Variants in KSR1 observed in about 807,000 individuals in gnomAD.
KSR1 encodes the protein kinase suppressor of ras 1, also known as kinase suppressor of ras.
KSR1 carries 35 observed loss-of-function variants against 92.9 expected under a neutral mutation model. That is an observed-to-expected ratio of 0.38 (90% CI 0.29 to 0.50). The LOEUF (loss-of-function observed/expected upper bound fraction) is 0.50, where lower values mean the gene tolerates loss of function less well. Ranked by LOEUF, KSR1 falls within the 20% of genes least tolerant of loss-of-function variation. The pLI is 0.94. For missense variants in KSR1, 972 were observed against 1,158.5 expected (o/e 0.84, Z 2.34); for synonymous variants, 467 against 472.6 (o/e 0.99, Z 0.15).
intron 3 of KSR1, chr17:27,579,237 A>G (rs1249127178): frequency 6.6e-6 from 1 of 152,200 alleles, no homozygotes. Flanking sequence ...GCATCACAGC[A>G]TCTTCATTGC....
chr17:27,491,034 A>G (rs2068806373), intron 1 of KSR1, among the ~76,000 whole-genome samples: 1 of 152,142 alleles, frequency 6.6e-6, no homozygotes, highest in Non-Finnish European at 1.5e-5. Flanking sequence ...CTTTTAAAAA[A>G]CCATATGTAT....
At chr17:27,466,485 G>T (rs561357421) in intron 1 of KSR1, among the ~76,000 whole-genome samples, 2 of 152,306 alleles carry the variant, frequency 1.3e-5, no homozygotes, top group Admixed American at 1.3e-4. Flanking sequence ...TGCACTTCCT[G>T]CCTCCTCCTG....
At chr17:27,536,469 G>A (rs1457899187) in intron 1 of KSR1, among the ~76,000 whole-genome samples, 1 of 152,196 alleles carries the variant, frequency 6.6e-6, no homozygotes, top group Non-Finnish European at 1.5e-5. Flanking sequence ...GAATTGCAGT[G>A]CTTCTTAAAT....
intron 1 of KSR1, among the ~76,000 whole-genome samples, chr17:27,523,235 A>G (rs2151024366): frequency 6.6e-6 from 1 of 152,364 alleles, no homozygotes; most frequent in Non-Finnish European, 1.5e-5. Flanking sequence ...CCTATTAGCC[A>G]GGAAATATAT....
chr17:27,609,947 G>A, intron 16 of KSR1, 120 bp from the exon 17 acceptor site: 1 of 1,282,842 alleles, frequency 7.8e-7, no homozygotes, highest in East Asian at 2.4e-5. Context: ...TCTGGGTCTG[G>A]GTGTGTTTTC....
chr17:27,504,419 G>T (rs984807978), intron 1 of KSR1, among the ~76,000 whole-genome samples: 10 of 152,118 alleles, frequency 6.6e-5, no homozygotes, highest in African/African-American at 2.4e-4. Flanking sequence ...GTTGGGATAT[G>T]GGGGGGAGAA....
chr17:27,590,944 T>C (rs1160322682), intron 7 of KSR1, 50 bp downstream of exon 7: 1 of 1,474,018 alleles, frequency 6.8e-7, no homozygotes, highest in Admixed American at 1.9e-5. Context: ...TTTAGTTCAG[T>C]AAATCAAATG....
At chr17:27,538,676 A>G (rs908636677) in intron 1 of KSR1, among the ~76,000 whole-genome samples, 1 of 152,228 alleles carries the variant, frequency 6.6e-6, no homozygotes, top group Non-Finnish European at 1.5e-5. Flanking sequence ...TACCCTGAAC[A>G]AAACTGGGTC....
intron 11 of KSR1, among the ~76,000 whole-genome samples, chr17:27,603,132 T>G (rs2073625565): frequency 6.6e-6 from 1 of 152,184 alleles, no homozygotes; most frequent in Admixed American, 6.5e-5. Flanking sequence ...TGGAGTAACC[T>G]TTGGTTCTGG....
At chr17:27,466,254 G>T (rs1248715341) in intron 1 of KSR1, among the ~76,000 whole-genome samples, 1 of 152,220 alleles carries the variant, frequency 6.6e-6, no homozygotes, top group Non-Finnish European at 1.5e-5. Context: ...TGAAACTGAG[G>T]TGCTGTTTGA....
At chr17:27,601,275 C>G in intron 10 of KSR1, 85 bp from the exon 11 acceptor site, 3 of 1,222,970 alleles carry the variant, frequency 2.5e-6, no homozygotes, top group Non-Finnish European at 3.6e-6. Context: ...AAGTCCCTGC[C>G]TCCCAAGCCG....
At chr17:27,585,192 T>C (rs2072920453) in intron 4 of KSR1, among the ~76,000 whole-genome samples, 1 of 152,142 alleles carries the variant, frequency 6.6e-6, no homozygotes, top group Non-Finnish European at 1.5e-5. Context: ...CGTGTCAGCC[T>C]CTCAAAGTTC....
intron 1 of KSR1, among the ~76,000 whole-genome samples, chr17:27,546,474 A>G (rs564262089): frequency 2.0e-5 from 3 of 152,260 alleles, no homozygotes; most frequent in Non-Finnish European, 2.9e-5. Context: ...GCTCGTGTCT[A>G]TTGGGGGAGA....
intron 15 of KSR1, among the ~76,000 whole-genome samples, chr17:27,608,913 C>A (rs1480142300): frequency 6.6e-6 from 1 of 152,190 alleles, no homozygotes; most frequent in Non-Finnish European, 1.5e-5. Context: ...CTGTTCACAC[C>A]TCCTACCTTA....
intron 1 of KSR1, among the ~76,000 whole-genome samples, chr17:27,543,004 T>G (rs2071023484): frequency 6.6e-6 from 1 of 152,218 alleles, no homozygotes; most frequent in African/African-American, 2.4e-5. Context: ...AGGCATGACC[T>G]CTGACCAGTC....
At chr17:27,510,853 C>T (rs1259019312) in intron 1 of KSR1, among the ~76,000 whole-genome samples, 1 of 152,230 alleles carries the variant, frequency 6.6e-6, no homozygotes, top group Admixed American at 6.5e-5. Flanking sequence ...GAGCATCCCG[C>T]ATTGCCTGCC....
intron 14 of KSR1, among the ~76,000 whole-genome samples, chr17:27,607,479 T>C: frequency 6.6e-6 from 1 of 151,822 alleles, no homozygotes; most frequent in Admixed American, 6.6e-5. Flanking sequence ...ATAAAAACCC[T>C]GTGATCAAGA....
intron 16 of KSR1, 70 bp from the exon 17 acceptor site, chr17:27,609,997 C>A: frequency 1.3e-6 from 2 of 1,589,200 alleles, no homozygotes; most frequent in Non-Finnish European, 1.7e-6. Context: ...TGGGGCAGAC[C>A]TGTGCCAGGC....
chr17:27,508,110 A>G (rs2150995363), intron 1 of KSR1, among the ~76,000 whole-genome samples: 1 of 152,256 alleles, frequency 6.6e-6, no homozygotes, highest in South Asian at 2.1e-4. Flanking sequence ...GGCAGTGTTC[A>G]CTGTGGCAGC....
Sources: allele counts gnomAD v4.1 joint callset (sites outside exome capture counted in the v4.1 genomes callset), GRCh38; gene constraint gnomAD v4.1.1; transcripts MANE v1.5; gene names NCBI Gene and HGNC (gene_info 2026-07-23, HGNC 2026-07-21).